ARSG: variants seen among roughly 807,000 people sequenced by gnomAD.
ARSG encodes the protein ASG.
In ARSG, 37 loss-of-function variants were observed where a neutral mutation model predicts 50.5. That is an observed-to-expected ratio of 0.73 (90% CI 0.56 to 0.96). The LOEUF is 0.96. ARSG is among the 50% of genes least tolerant of loss of function. ARSG has a pLI of 0.00. For missense variants in ARSG, 629 were observed against 675.3 expected, an observed-to-expected ratio of 0.93 and a Z score of 0.76; for synonymous variants, 225 against 254.6, an observed-to-expected ratio of 0.88 and a Z score of 1.11.
chr17:68,399,155 G>A lies in ARSG; in HGVS notation c.1213-2205G>A, dbSNP rs1362164500. 1.3e-5 allele frequency among the ~76,000 whole-genome samples: 2 copies of A among 152,264 alleles called. No homozygotes were observed. Among genetic ancestry groups the A allele is most frequent in the Middle Eastern group, 3.4e-3 (1 of 294 alleles). ...ATCAAATGCTTGACACGCCCCTGGA[G>A]GCCATACATCGAGGAAACAAGCTGA... On this transcript the variant is annotated intron_variant, in intron 10 of 11. Coordinates refer to ENST00000621439, the MANE Select transcript of ARSG (RefSeq NM_001267727.2). The surrounding 1 kb of genome is among the most constrained non-coding windows in gnomAD (Gnocchi z 4.6).
At chr17:68,422,155 C>A, downstream of ARSG, 1 of 232,406 alleles carries the variant, frequency 4.3e-6, no homozygotes, top group Non-Finnish European at 8.8e-6. Context: ...AGGCTGGGCG[C>A]GGTGGCTCAC....
chr17:68,368,845 G>C, intron 7 of ARSG, 101 bp downstream of exon 7: 1 of 1,321,212 alleles, frequency 7.6e-7, no homozygotes, highest in Non-Finnish European at 1.0e-6. Flanking sequence ...CCTTTCATAG[G>C]TCAGGAGGCT....
chr17:68,291,328 C>T (rs2075979919), upstream of ARSG: 1 of 142,676 alleles, frequency 7.0e-6, no homozygotes, highest in African/African-American at 2.5e-5. Flanking sequence ...CCGCCTGCGA[C>T]CCGGGCCGTG....
At chr17:68,380,313 C>T (rs2080370532) in intron 8 of ARSG, among the ~76,000 whole-genome samples, 1 of 151,618 alleles carries the variant, frequency 6.6e-6, no homozygotes, top group South Asian at 2.1e-4. Flanking sequence ...CTAATCAGAG[C>T]TCACTGCTGC....
At chr17:68,362,695 T>C (rs1366641019) in intron 6 of ARSG, among the ~76,000 whole-genome samples, 2 of 152,190 alleles carry the variant, frequency 1.3e-5, no homozygotes, top group Non-Finnish European at 2.9e-5. Flanking sequence ...AATCCTCCCA[T>C]GAGTATTTCC....
chr17:68,387,817 C>A (rs1320481389), intron 9 of ARSG, among the ~76,000 whole-genome samples: 1 of 152,092 alleles, frequency 6.6e-6, no homozygotes, highest in Non-Finnish European at 1.5e-5. Flanking sequence ...ATCCTTGAGG[C>A]CCTGAGGAAT....
At chr17:68,372,488 T>C (rs903226464) in intron 8 of ARSG, among the ~76,000 whole-genome samples, 5 of 152,194 alleles carry the variant, frequency 3.3e-5, no homozygotes, top group African/African-American at 1.2e-4. Context: ...AGGGGAAGCG[T>C]GTATGTCCTA....
At chr17:68,400,194 C>G (rs1211406623) in intron 10 of ARSG, 2 of 152,208 alleles carry the variant, frequency 1.3e-5, no homozygotes, top group African/African-American at 4.8e-5. Context: ...GGTTGTGATT[C>G]ATACCAAGGC....
At chr17:68,429,809 A>C in the ARSG span, among the ~76,000 whole-genome samples, 1 of 152,084 alleles carries the variant, frequency 6.6e-6, no homozygotes, top group African/African-American at 2.4e-5. Context: ...GGCTGGTCTC[A>C]AACTCCTGAC....
chr17:68,437,947 T>TAAAAAAAAAAAAAAAAAAC, the ARSG span, among the ~76,000 whole-genome samples: 1 of 58,786 alleles, frequency 1.7e-5, no homozygotes. Context: ...GACATCTCTC[T>TAAAAAAAAAAAAAAAAAAC]TAAAAAAAAA....
chr17:68,429,567 G>A, the ARSG span, among the ~76,000 whole-genome samples: 22 of 152,040 alleles, frequency 1.4e-4, no homozygotes, highest in African/African-American at 2.7e-4. Context: ...GTTTGATTCC[G>A]CTCACCCTTC....
intron 6 of ARSG, among the ~76,000 whole-genome samples, chr17:68,361,559 AAC>A (rs988046792): frequency 6.6e-6 from 1 of 152,032 alleles, no homozygotes; most frequent in African/African-American, 2.4e-5. Flanking sequence ...CTCTACAAAA[AAC>A]ACAACAAAAC....
At chr17:68,409,714 G>A (rs1237407520) in intron 11 of ARSG, among the ~76,000 whole-genome samples, 1 of 149,352 alleles carries the variant, frequency 6.7e-6, no homozygotes, top group Non-Finnish European at 1.5e-5. Context: ...ACCTTGGGCA[G>A]TATGGCCATT....
intron 5 of ARSG, among the ~76,000 whole-genome samples, chr17:68,355,302 C>T (rs929478702): frequency 3.9e-5 from 6 of 152,348 alleles, no homozygotes; most frequent in African/African-American, 1.4e-4. Context: ...GACTCAGCCA[C>T]ATTGATGGGC....
At chr17:68,400,738 A>T (rs997718928) in intron 10 of ARSG, among the ~76,000 whole-genome samples, 1 of 152,212 alleles carries the variant, frequency 6.6e-6, no homozygotes, top group Non-Finnish European at 1.5e-5. Context: ...TGAACAAGGT[A>T]TCCCTGATTT....
At chr17:68,421,632 C>T, downstream of ARSG, 1 of 1,187,026 alleles carries the variant, frequency 8.4e-7, no homozygotes, top group Non-Finnish European at 1.2e-6. Flanking sequence ...TTAACCAGGT[C>T]CTGTGGTTTA....
At chr17:68,303,940 T>G (rs781972718) in intron 1 of ARSG, among the ~76,000 whole-genome samples, 1 of 152,246 alleles carries the variant, frequency 6.6e-6, no homozygotes, top group Non-Finnish European at 1.5e-5. Context: ...CTAGATTCGC[T>G]TATTTCCATT....
Position 68,356,951 on chromosome 17 carries a change from T to A in ARSG, c.704+147T>A. 3.0e-6 allele frequency: 3 copies of A among 1,007,736 alleles called. No individual in the cohort carries two copies. The South Asian group carries it at 4.9e-5, about 17-fold the overall frequency. The allele number at this position is 1,007,736 out of a possible 1,614,324, so 62.4% of individuals were successfully genotyped here. A position where few individuals can be genotyped will look rare whatever the true frequency, so the allele number is the denominator to read the frequency against. On this transcript the variant is annotated intron_variant, in intron 6 of 11. Coordinates refer to ENST00000621439, the MANE Select transcript of ARSG (RefSeq NM_001267727.2). ...TGGATGCATACATGTCTCCTATAAG[T>A]AAAGCTGGAAAACAGCCCCTTCTGG...
rs185917491 is a variant in ARSG at position 68,365,733 on chromosome 17, A to C, written c.705-2815A>C. On this transcript the variant is annotated intron_variant, in intron 6 of 11. Coordinates refer to ENST00000621439, the MANE Select transcript of ARSG (RefSeq NM_001267727.2). The stretch of plus-strand genomic sequence containing the variant: ...TCCTGAGGTGTAAATACTCAATCTC[A>C]CCATGGCTGATTTCCAGCTATGGAG... 1.4e-3 allele frequency among the ~76,000 whole-genome samples: 207 copies of C among 152,276 alleles called. 1 individual carries two copies. Among genetic ancestry groups the C allele is most frequent in the African/African-American group, 4.8e-3 (200 of 41,558 alleles).
Sources: allele counts gnomAD v4.1 joint callset (sites outside exome capture counted in the v4.1 genomes callset), GRCh38; gene constraint gnomAD v4.1.1; non-coding constraint Gnocchi (gnomAD v3.1); transcripts MANE v1.5; gene names NCBI Gene and HGNC (gene_info 2026-07-23, HGNC 2026-07-21).